Variants in LZTFL1 observed in about 807,000 individuals in gnomAD.
LZTFL1 encodes the protein leucine zipper transcription factor like 1, also known as leucine zipper transcription factor-like protein 1.
Under a neutral mutation model 45.9 loss-of-function variants are expected in LZTFL1, and 25 were observed. The ratio of observed to expected loss-of-function variants is 0.54; its 90% CI spans 0.40 to 0.76. The LOEUF (loss-of-function observed/expected upper bound fraction) is 0.76, where lower values mean the gene tolerates loss of function less well. Among genes scored for constraint, LZTFL1 ranks in the 30% least tolerant of loss-of-function variants. LZTFL1 has a pLI of 0.00. For synonymous variants in LZTFL1, 93 were observed against 117.4 expected (o/e 0.79, Z 1.35); for missense variants, 277 against 331.1 (o/e 0.84, Z 1.27).
rs1257545282 is a variant in LZTFL1, at chr3:45,900,860, C to T, written c.-215+12260G>A. 6.2e-7 allele frequency: 1 copy of T among 1,614,082 alleles called. No homozygotes were observed. Among genetic ancestry groups the T allele is most frequent in the East Asian group, 2.2e-5 (1 of 44,888 alleles). Reference sequence around the variant, plus strand: ...ACTATGGCTCTGAATCCACATCTTCCATGGAAGACTACGTTAACTTCAACT... The same window carrying T: ...ACTATGGCTCTGAATCCACATCTTCTATGGAAGACTACGTTAACTTCAACT... On this transcript the variant is annotated intron_variant, in intron 2 of 4. Coordinates refer to the LZTFL1 transcript ENST00000472635. The surrounding 1 kb of genome is among the most constrained non-coding windows in gnomAD (Gnocchi z 4.7).
At chr3:45,878,835 C>T (rs946073734) in intron 2 of LZTFL1, among the ~76,000 whole-genome samples, 2 of 152,204 alleles carry the variant, frequency 1.3e-5, no homozygotes, top group African/African-American at 4.8e-5. Context: ...AATCCCAGCA[C>T]TTTGGGAGGC....
rs931731263 is a variant in LZTFL1, at chr3:45,824,142, A to G, written c.*2172T>C. On this transcript the variant is annotated 3_prime_UTR_variant, in exon 10 of 10. Coordinates refer to ENST00000296135, the MANE Select transcript of LZTFL1 (RefSeq NM_020347.4). The stretch of plus-strand genomic sequence containing the variant: ...CTCAGCAGCAGGCCTGAATTAAATT[A>G]AACCAAAGCTGCATTGTGATGGCCA... 2.6e-5 allele frequency: 4 copies of G among 152,206 alleles called. No homozygotes were observed. Among genetic ancestry groups the G allele is most frequent in the Non-Finnish European group, 5.9e-5 (4 of 68,026 alleles). The allele number at this position is 152,206 out of a possible 1,614,324, so 9.4% of individuals were successfully genotyped here. A position where few individuals can be genotyped will look rare whatever the true frequency, so the allele number is the denominator to read the frequency against.
chr3:45,863,571 T>C (rs1243801145), intron 2 of LZTFL1, among the ~76,000 whole-genome samples: 1 of 152,212 alleles, frequency 6.6e-6, no homozygotes, highest in African/African-American at 2.4e-5. Context: ...ATTCCATGTC[T>C]CCTGGGGTCA....
intron 2 of LZTFL1, among the ~76,000 whole-genome samples, chr3:45,908,865 T>G (rs1702734396): frequency 6.6e-6 from 1 of 152,208 alleles, no homozygotes. Flanking sequence ...AGACCACTAC[T>G]GCTCTGTGGC....
chr3:45,890,354 T>TATATATGTTATATATATATTTATATAA (rs1702138897), intron 2 of LZTFL1, among the ~76,000 whole-genome samples: 1 of 3,368 alleles, frequency 3.0e-4, no homozygotes, highest in South Asian at 8.5e-3. Flanking sequence ...ATATAACATA[T>TATATATGTTATATATATATTTATATAA]ATATATATAT....
chr3:45,830,251 T>A (rs1014991187), intron 7 of LZTFL1, among the ~76,000 whole-genome samples: 1 of 152,214 alleles, frequency 6.6e-6, no homozygotes, highest in East Asian at 1.9e-4. Flanking sequence ...ACCCAAATGG[T>A]CCTGCTCACA....
chr3:45,831,866 A>T (rs1700830488), intron 5 of LZTFL1, among the ~76,000 whole-genome samples: 2 of 152,206 alleles, frequency 1.3e-5, no homozygotes, highest in South Asian at 4.1e-4. Context: ...GCTACCCAGT[A>T]TGACACCTGT....
intron 1 of LZTFL1, chr3:45,913,263 C>G (rs1702835658): frequency 9.9e-7 from 1 of 1,014,726 alleles, no homozygotes; most frequent in Non-Finnish European, 1.4e-6. Context: ...TGATCTTTCT[C>G]TTGTTTTTCA....
At position 45,831,098 on chromosome 3, in the gene LZTFL1, GACTTCAATTT is replaced by G. The variant is rs1296628579; in HGVS notation, c.487_496del (p.Lys163GlnfsTer3). On this transcript the variant is annotated frameshift_variant, in exon 6 of 10. Transcript: ENST00000296135. LOFTEE classifies it high-confidence loss of function. ...CTGTATTTCAATGGTCTTCAACCTT[GACTTCAATTT>G]CTCATTCTCTTCTTGAAGTCTTAAA... 1 of 1,603,654 alleles carries G rather than the reference GACTTCAATTT, an allele frequency of 6.2e-7. No individual in the cohort carries two copies.
At chr3:45,883,739 C>A in intron 2 of LZTFL1, 1 of 561,372 alleles carries the variant, frequency 1.8e-6, no homozygotes, top group South Asian at 2.7e-5. Context: ...AAAGGCCTGC[C>A]TTGGCAGCTT....
intron 2 of LZTFL1, among the ~76,000 whole-genome samples, chr3:45,909,178 C>T (rs961599265): frequency 2.0e-5 from 3 of 152,074 alleles, no homozygotes; most frequent in Admixed American, 1.3e-4. Flanking sequence ...TACATTATGG[C>T]GAGTTGTATA....
At position 45,830,200 on chromosome 3, in the gene LZTFL1, G is replaced by A. The variant is rs116664246; in HGVS notation, c.600+713C>T. On this transcript the variant is annotated intron_variant, in intron 7 of 9. Transcript: ENST00000296135. ...TTTGTTTACCAGACATTTGCAATGA[G>A]AGTATGACCACTAGAAAAGCCAATG... Among the ~76,000 whole-genome samples, 860 of 152,360 alleles carry A rather than the reference G, an allele frequency of 5.6e-3. 8 individuals carry two copies. The highest frequency in any genetic ancestry group is 0.018 in the African/African-American group (733 of 41,570).
At chr3:45,835,377 T>C (rs1700938817) in intron 3 of LZTFL1, 1 of 506,126 alleles carries the variant, frequency 2.0e-6, no homozygotes, top group Admixed American at 3.8e-5. Flanking sequence ...TCGATGGCCT[T>C]TGTAATACCT....
chr3:45,846,483 C>T (rs993342539), upstream of LZTFL1, among the ~76,000 whole-genome samples: 1 of 152,164 alleles, frequency 6.6e-6, no homozygotes, highest in East Asian at 1.9e-4. Flanking sequence ...CAAAAATCCA[C>T]ATATAACTTT....
At chr3:45,834,979 T>C (rs1700926053) in intron 3 of LZTFL1, 1 of 152,836 alleles carries the variant, frequency 6.5e-6, no homozygotes, top group Non-Finnish European at 1.5e-5. Flanking sequence ...ACTGATGTGC[T>C]GTGACTGTGC....
chr3:45,827,868 AT>A (rs1700709551), intron 8 of LZTFL1, among the ~76,000 whole-genome samples: 1 of 150,860 alleles, frequency 6.6e-6, no homozygotes, highest in South Asian at 2.1e-4. Flanking sequence ...ATATGAAAAA[AT>A]TTTTAATTTT....
Position 45,837,953 on chromosome 3 carries a change from G to C in LZTFL1, c.102C>G (p.Ser34=), listed in dbSNP as rs757913303. ...KRGLRLKTVD[S]CFQDLKESRL... ...TGCTCTCCTTGAGGTCTTGGAAGCAGGAATCTACAGTTTTGAGTCTCAAGC... is the reference window on the plus strand; with the variant it reads ...TGCTCTCCTTGAGGTCTTGGAAGCACGAATCTACAGTTTTGAGTCTCAAGC... The change falls in exon 2 of 10, where the codon TCC becomes TCG. Residue 34 remains serine (S), a synonymous_variant. Coordinates refer to ENST00000296135, the MANE Select transcript of LZTFL1 (RefSeq NM_020347.4). 2.5e-6 allele frequency: 4 copies of C among 1,613,126 alleles called. No homozygotes were observed. The South Asian group carries it at 4.4e-5, about 18-fold the overall frequency.
chr3:45,886,670 T>C (rs1291059240), intron 2 of LZTFL1: 2 of 152,426 alleles, frequency 1.3e-5, no homozygotes, highest in Non-Finnish European at 2.9e-5. Context: ...GTATTGCTCT[T>C]CTTCTTGTTG....
intron 2 of LZTFL1, 111 bp from the exon 3 acceptor site, chr3:45,835,895 C>T: frequency 1.5e-6 from 1 of 658,110 alleles, no homozygotes; most frequent in Non-Finnish European, 2.5e-6. Context: ...TCAAAGATTA[C>T]AGTGAAAATC....
Sources: allele counts gnomAD v4.1 joint callset (sites outside exome capture counted in the v4.1 genomes callset), GRCh38; gene constraint gnomAD v4.1.1; non-coding constraint Gnocchi (gnomAD v3.1); transcripts MANE v1.5; gene names NCBI Gene and HGNC (gene_info 2026-07-23, HGNC 2026-07-21).